Variants in PTCD2 observed in about 807,000 individuals in gnomAD.
The protein encoded by PTCD2 is pentatricopeptide repeat domain 2, also known as pentatricopeptide repeat-containing protein 2, mitochondrial.
PTCD2 carries 31 observed loss-of-function variants against 42.6 expected under a neutral mutation model. The observed-to-expected ratio is 0.73, with a 90% CI of 0.55 to 0.98. The LOEUF (loss-of-function observed/expected upper bound fraction) is 0.98, where lower values mean the gene tolerates loss of function less well. Ranked by LOEUF, PTCD2 falls within the 50% of genes least tolerant of loss-of-function variation. PTCD2 has a pLI of 0.00. For synonymous variants in PTCD2, 183 were observed against 170.9 expected (o/e 1.07, Z -0.55); for missense variants, 476 against 454.8 (o/e 1.05, Z -0.42).
At chr5:72,344,076 C>T (rs147956932) in intron 8 of PTCD2, among the ~76,000 whole-genome samples, 12 of 151,520 alleles carry the variant, frequency 7.9e-5, no homozygotes, top group Middle Eastern at 3.4e-3. Context: ...TCGGGTTGGC[C>T]GGCAGGAGCA....
At chr5:72,346,467 T>C (rs1050008008) in intron 8 of PTCD2, among the ~76,000 whole-genome samples, 4 of 152,168 alleles carry the variant, frequency 2.6e-5, no homozygotes, top group African/African-American at 9.6e-5. Context: ...CCTCCCTGTC[T>C]TAGCCTGCTG....
In PTCD2 at chr5:72,322,241, C is replaced by G. The variant is rs776168319; in HGVS notation, c.197C>G (p.Ala66Gly). The change falls in exon 2 of 10, where the codon GCA becomes GGA. Residue 66 changes from alanine to glycine, a missense_variant. By Grantham distance (60) the Ala-to-Gly change is moderately conservative. Coordinates refer to ENST00000380639, the MANE Select transcript of PTCD2 (RefSeq NM_024754.5). Reference sequence around the variant, plus strand: ...TTTCAACAAAAGAAAGTGGCTGTTGCATGTAATCTTTCTGGCACTAAAGGT... The same window carrying G: ...TTTCAACAAAAGAAAGTGGCTGTTGGATGTAATCTTTCTGGCACTAAAGGT... The part of the protein sequence containing the change: ...KEFQQKKVAV[A>G]CNLSGTKETY... 1 of 1,593,790 alleles carries G rather than the reference C, an allele frequency of 6.3e-7. No individual in the cohort carries two copies. The highest frequency in any genetic ancestry group is 8.6e-7 in the Non-Finnish European group (1 of 1,162,056).
At chr5:72,350,567 C>T (rs944854430) in intron 8 of PTCD2, among the ~76,000 whole-genome samples, 1 of 152,188 alleles carries the variant, frequency 6.6e-6, no homozygotes, top group African/African-American at 2.4e-5. Context: ...CTTTTGCTCT[C>T]AAGGCATGCA....
intron 3 of PTCD2, among the ~76,000 whole-genome samples, chr5:72,330,380 A>T (rs890264323): frequency 6.6e-6 from 1 of 152,206 alleles, no homozygotes; most frequent in African/African-American, 2.4e-5. Context: ...AGCAGAAGGT[A>T]AAAAGTATCC....
At chr5:72,333,377 A>AT (rs966283387) in intron 4 of PTCD2, among the ~76,000 whole-genome samples, 6 of 152,012 alleles carry the variant, frequency 3.9e-5, no homozygotes, top group Non-Finnish European at 7.4e-5. Flanking sequence ...TGAAATTAAT[A>AT]TTTTTTTTCA....
intron 2 of PTCD2, among the ~76,000 whole-genome samples, chr5:72,324,418 A>G (rs12657233): frequency 0.97 from 147,257 of 152,258 alleles, 71,237 homozygotes; most frequent in East Asian, 1. Flanking sequence ...CCTTTCTAGG[A>G]CGGTTTCTGG....
chr5:72,339,057 T>A (rs139466187), intron 7 of PTCD2, among the ~76,000 whole-genome samples: 5 of 152,332 alleles, frequency 3.3e-5, no homozygotes, highest in African/African-American at 1.2e-4. Context: ...TCTCCAAAGT[T>A]GAATTAGCCT....
At chr5:72,356,853 G>A (rs1752898701) in intron 9 of PTCD2, among the ~76,000 whole-genome samples, 1 of 152,246 alleles carries the variant, frequency 6.6e-6, no homozygotes, top group Non-Finnish European at 1.5e-5. Flanking sequence ...AAAGGAAGAT[G>A]TGCAGGTGCA....
chr5:72,335,277 G>A (rs1316365153), intron 5 of PTCD2, among the ~76,000 whole-genome samples, 181 bp downstream of exon 5: 7 of 151,826 alleles, frequency 4.6e-5, no homozygotes, highest in Admixed American at 6.6e-5. Context: ...GTGAAACCCC[G>A]TCTCTACTAA....
intron 8 of PTCD2, among the ~76,000 whole-genome samples, chr5:72,349,316 T>C (rs1752506311): frequency 6.6e-6 from 1 of 152,214 alleles, no homozygotes; most frequent in Non-Finnish European, 1.5e-5. Context: ...GATGGTGTTA[T>C]TGGCCAGAAC....
At position 72,360,559 on chromosome 5, in the gene PTCD2, A is replaced by T. The variant is rs1022030417; in HGVS notation, c.*2132A>T. On this transcript the variant is annotated 3_prime_UTR_variant, in exon 10 of 10. Transcript: ENST00000380639. ...GATTTTAAAGTCTTAAAAGTCCAAT[A>T]AAACAGTGTTCAGTATAGGTTATGA... 1 of 152,216 alleles carries T rather than the reference A, an allele frequency of 6.6e-6. No individual in the cohort carries two copies. The highest frequency in any genetic ancestry group is 2.4e-5 in the African/African-American group (1 of 41,458). 9.4% of individuals were successfully genotyped at this position (152,216 alleles called of 1,614,324 possible). A position where few individuals can be genotyped will look rare whatever the true frequency, so the allele number is the denominator to read the frequency against.
chr5:72,350,819 C>G (rs966207686), intron 8 of PTCD2, among the ~76,000 whole-genome samples: 1 of 152,190 alleles, frequency 6.6e-6, no homozygotes, highest in Non-Finnish European at 1.5e-5. Flanking sequence ...AGGTAAATCT[C>G]TTCCAGGAAA....
Position 72,335,176 on chromosome 5 carries a change from C to A in PTCD2, c.547+80C>A, listed in dbSNP as rs1580157596. The A allele has an allele frequency of 5.1e-6, 4 of 788,150 alleles. No homozygotes were observed. In the East Asian group the frequency reaches 8.0e-5, roughly 16 times the overall value. 48.8% of individuals were successfully genotyped at this position (788,150 alleles called of 1,614,324 possible). On this transcript the variant is annotated intron_variant, in intron 5 of 9. Coordinates refer to ENST00000380639, the MANE Select transcript of PTCD2 (RefSeq NM_024754.5). Reference sequence around the variant, plus strand: ...GAACTAGGGGGAAAAATGAGTCATGCAAAAATGATTCTTCTGTAATCCCAG... The same window carrying A: ...GAACTAGGGGGAAAAATGAGTCATGAAAAAATGATTCTTCTGTAATCCCAG...
At chr5:72,343,248 T>C (rs1416780585) in intron 8 of PTCD2, among the ~76,000 whole-genome samples, 1 of 152,194 alleles carries the variant, frequency 6.6e-6, no homozygotes, top group East Asian at 1.9e-4. Flanking sequence ...TTCCAGGAGT[T>C]TGTAAACAGG....
rs1753177959 is a variant in PTCD2, at chr5:72,365,455, A to G, written c.*7028A>G. 1 of 152,224 alleles carries G rather than the reference A, an allele frequency of 6.6e-6. No individual in the cohort carries two copies. The highest frequency in any genetic ancestry group is 2.4e-5 in the African/African-American group (1 of 41,460). 9.4% of individuals were successfully genotyped at this position (152,224 alleles called of 1,614,324 possible). A position where few individuals can be genotyped will look rare whatever the true frequency, so the allele number is the denominator to read the frequency against. ...AACATCATCTGTTACAATTGACAGC[A>G]TGAAGGAAGGCATAACCCCTGCAAA... On this transcript the variant is annotated 3_prime_UTR_variant, in exon 10 of 10. Transcript: ENST00000380639.
chr5:72,324,351 C>G (rs1486634693), intron 2 of PTCD2, among the ~76,000 whole-genome samples: 6 of 152,156 alleles, frequency 3.9e-5, no homozygotes, highest in Admixed American at 3.9e-4. Flanking sequence ...TGTTGTATAC[C>G]ACACTATTAA....
chr5:72,347,991 T>C (rs1472908064), intron 8 of PTCD2, among the ~76,000 whole-genome samples: 1 of 152,226 alleles, frequency 6.6e-6, no homozygotes, highest in Admixed American at 6.5e-5. Context: ...CTCTCTGAAC[T>C]GCGTCACAGA....
chr5:72,337,009 T>C (rs1490178346), intron 6 of PTCD2, among the ~76,000 whole-genome samples: 11 of 152,172 alleles, frequency 7.2e-5, no homozygotes, highest in Admixed American at 5.2e-4. Flanking sequence ...TGGGTTATAG[T>C]GGAAAGAAAA....
intron 6 of PTCD2, among the ~76,000 whole-genome samples, chr5:72,336,105 A>G (rs979449903): frequency 6.6e-6 from 1 of 152,144 alleles, no homozygotes; most frequent in Non-Finnish European, 1.5e-5. Context: ...TTCTCTGGTG[A>G]TTGTGTAGAT....
Sources: allele counts gnomAD v4.1 joint callset (sites outside exome capture counted in the v4.1 genomes callset), GRCh38; gene constraint gnomAD v4.1.1; transcripts MANE v1.5; gene names NCBI Gene and HGNC (gene_info 2026-07-23, HGNC 2026-07-21).